BORCS5: variants seen among roughly 807,000 people sequenced by gnomAD.
BORCS5 encodes the protein BLOC-1-related complex subunit 5.
BORCS5 carries 17 observed loss-of-function variants against 22.1 expected under a neutral mutation model. The ratio of observed to expected loss-of-function variants is 0.77; its 90% CI spans 0.53 to 1.15. The LOEUF (loss-of-function observed/expected upper bound fraction) is 1.15. BORCS5 is among the 50% of genes most tolerant of loss of function. The probability of loss-of-function intolerance (pLI) is 0.00; values close to 1 mark genes in which losing one functional copy is unlikely to be tolerated. For synonymous variants in BORCS5, 117 were observed against 99.8 expected (o/e 1.17, Z -1.03); for missense variants, 247 against 253.2 (o/e 0.98, Z 0.17).
At position 12,470,673 on chromosome 12, in the gene BORCS5, T is replaced by TG. The variant is rs201938103; in HGVS notation, c.*4900dup. Among the ~76,000 whole-genome samples the TG allele has an allele frequency of 2.5e-5, 1 of 40,150 alleles. No homozygotes were observed. The highest frequency in any genetic ancestry group is 2.9e-4 in the East Asian group (1 of 3,402). 26.3% of individuals were successfully genotyped at this position (40,150 alleles called of 152,430 possible). A position where few individuals can be genotyped will look rare whatever the true frequency, so the allele number is the denominator to read the frequency against. ...GTCATAAATAACATTGAATTTCATG[T>TG]GGGTTTTTTTTTTTTGACACACCAG... is the stretch of plus-strand genomic sequence containing the variant. On this transcript the variant is annotated 3_prime_UTR_variant, in exon 4 of 4. Transcript: ENST00000314565.
rs563920485 is a variant in BORCS5 at position 12,469,229 on chromosome 12, G to A, written c.*3453G>A. The A allele has an allele frequency of 5.3e-4, 80 of 152,368 alleles. 1 individual carries two copies. The highest frequency in any genetic ancestry group is 1.9e-3 in the African/African-American group (77 of 41,582). 9.4% of individuals were successfully genotyped at this position (152,368 alleles called of 1,614,324 possible). On this transcript the variant is annotated 3_prime_UTR_variant, in exon 4 of 4. Coordinates refer to ENST00000314565, the MANE Select transcript of BORCS5 (RefSeq NM_058169.6). ...AAATTACCCGGGCATGGTGGCTGGT[G>A]CCTGTAATCCCCGCTACTTGGGAGG...
chr12:12,357,660 C>T, intron 1 of BORCS5, 151 bp downstream of exon 1: 1 of 763,706 alleles, frequency 1.3e-6, no homozygotes, highest in Non-Finnish European at 1.9e-6. Context: ...CACCATCTGT[C>T]CTGGCCTCGA....
At chr12:12,407,784 C>T (rs186781502) in intron 2 of BORCS5, among the ~76,000 whole-genome samples, 13 of 150,688 alleles carry the variant, frequency 8.6e-5, no homozygotes, top group African/African-American at 2.0e-4. Flanking sequence ...TGGCTCACTG[C>T]GACCTCCCTC....
chr12:12,379,512 T>C (rs1381607439), intron 2 of BORCS5, among the ~76,000 whole-genome samples: 2 of 151,606 alleles, frequency 1.3e-5, no homozygotes, highest in Non-Finnish European at 3.0e-5. Context: ...GATTTCAATT[T>C]TGTATTTGAA....
chr12:12,419,697 C>G (rs1163091733), intron 2 of BORCS5, among the ~76,000 whole-genome samples: 3 of 152,208 alleles, frequency 2.0e-5, no homozygotes, highest in African/African-American at 7.2e-5. Context: ...CGCATCCTCT[C>G]CAGCACATGT....
chr12:12,427,903 C>CCTT (rs1942329464), intron 2 of BORCS5, among the ~76,000 whole-genome samples: 1 of 152,186 alleles, frequency 6.6e-6, no homozygotes, highest in South Asian at 2.1e-4. Context: ...TACTCACCCA[C>CCTT]TAAGGTCCCC....
At position 12,466,434 on chromosome 12, in the gene BORCS5, T is replaced by G. The variant is rs956434467; in HGVS notation, c.*658T>G. The G allele has an allele frequency of 3.9e-5, 6 of 152,300 alleles. No homozygotes were observed. The highest frequency in any genetic ancestry group is 1.3e-4 in the Admixed American group (2 of 15,286). The allele number at this position is 152,300 out of a possible 1,614,324, so 9.4% of individuals were successfully genotyped here. On this transcript the variant is annotated 3_prime_UTR_variant, in exon 4 of 4. Coordinates refer to ENST00000314565, the MANE Select transcript of BORCS5 (RefSeq NM_058169.6). ...TCATCTCCACTGATAACCGGTTTCC[T>G]TGATGCAGACATAGTTTAGCTTTCT... is the stretch of plus-strand genomic sequence containing the variant.
At chr12:12,431,404 T>C (rs905262849) in intron 2 of BORCS5, among the ~76,000 whole-genome samples, 1 of 37,954 alleles carries the variant, frequency 2.6e-5, no homozygotes, top group African/African-American at 2.3e-4. Flanking sequence ...TTGCTAATTC[T>C]TTTTTTTTTT....
chr12:12,413,097 T>G (rs1477798696), intron 2 of BORCS5, among the ~76,000 whole-genome samples: 1 of 121,698 alleles, frequency 8.2e-6, no homozygotes, highest in Non-Finnish European at 1.7e-5. Flanking sequence ...GATTGGGGAT[T>G]GGTGATGACT....
intron 2 of BORCS5, among the ~76,000 whole-genome samples, chr12:12,427,641 C>G (rs4488294): frequency 0.6 from 90,660 of 152,004 alleles, 27,743 homozygotes; most frequent in African/African-American, 0.7. Context: ...AATTTGGGCT[C>G]CTATAACAGA....
chr12:12,395,435 A>ATTTTTTTTTT (rs59277387), intron 2 of BORCS5, among the ~76,000 whole-genome samples: 584 of 107,824 alleles, frequency 5.4e-3, no homozygotes, highest in Middle Eastern at 0.011. Context: ...CACCCAGCTA[A>ATTTTTTTTTT]TTTTTTTTTT....
rs1211519474 is a variant in BORCS5, at chr12:12,404,086, T to TA, written c.203-31539dup. Among the ~76,000 whole-genome samples, 6 of 152,294 alleles carry TA rather than the reference T, an allele frequency of 3.9e-5. No homozygotes were observed. In the South Asian group the frequency reaches 1.2e-3, roughly 32 times the overall value. On this transcript the variant is annotated intron_variant, in intron 2 of 3. Coordinates refer to ENST00000314565, the MANE Select transcript of BORCS5 (RefSeq NM_058169.6). The stretch of plus-strand genomic sequence containing the variant: ...CCCATATCTTCAAATATGGGTGACG[T>TA]AAATTTACTTCAGAAACAGAAATGA...
At chr12:12,463,663 C>T (rs903641351) in intron 3 of BORCS5, among the ~76,000 whole-genome samples, 3 of 152,126 alleles carry the variant, frequency 2.0e-5, no homozygotes. Flanking sequence ...TCAGTGTGCT[C>T]ATCTCAGCAT....
chr12:12,380,364 T>C (rs936807776), intron 2 of BORCS5, among the ~76,000 whole-genome samples: 2 of 151,456 alleles, frequency 1.3e-5, no homozygotes, highest in African/African-American at 2.4e-5. Flanking sequence ...TGCCTATATA[T>C]GGAAGATGGC....
chr12:12,450,851 T>C (rs1384811754), intron 3 of BORCS5, among the ~76,000 whole-genome samples: 1 of 152,222 alleles, frequency 6.6e-6, no homozygotes, highest in African/African-American at 2.4e-5. Flanking sequence ...GGTATAAAGA[T>C]AATGTATGTA....
Position 12,361,391 on chromosome 12 carries a change from G to T in BORCS5, c.202+42G>T, listed in dbSNP as rs368910873. 3.7e-6 allele frequency: 6 copies of T among 1,603,560 alleles called. No individual in the cohort carries two copies. In the East Asian group the frequency reaches 1.1e-4, roughly 30 times the overall value. The stretch of plus-strand genomic sequence containing the variant: ...TGTTTTATCTGAACTTGCTGGAGAC[G>T]TTTGTGTAGCCCTACTACTTTCCCT... On this transcript the variant is annotated intron_variant, in intron 2 of 3. Coordinates refer to ENST00000314565, the MANE Select transcript of BORCS5 (RefSeq NM_058169.6).
intron 2 of BORCS5, among the ~76,000 whole-genome samples, chr12:12,385,637 G>A (rs1382375298): frequency 6.6e-6 from 1 of 151,036 alleles, no homozygotes; most frequent in African/African-American, 2.4e-5. Flanking sequence ...AGCCTCTGAA[G>A]TAGCTGGGAC....
intron 2 of BORCS5, among the ~76,000 whole-genome samples, chr12:12,381,289 T>C (rs1309423804): frequency 1.3e-5 from 2 of 151,550 alleles, no homozygotes; most frequent in East Asian, 3.9e-4. Context: ...AGTGTATCAA[T>C]ATTTTTAATA....
chr12:12,393,344 G>A lies in BORCS5; in HGVS notation c.202+31995G>A, dbSNP rs75874753. Among the ~76,000 whole-genome samples, 6 of 152,094 alleles carry A rather than the reference G, an allele frequency of 3.9e-5. No homozygotes were observed. The East Asian group carries it at 7.7e-4, about 20-fold the overall frequency. On this transcript the variant is annotated intron_variant, in intron 2 of 3. Coordinates refer to ENST00000314565, the MANE Select transcript of BORCS5 (RefSeq NM_058169.6). ...TAAACATGACACCCAGAATACTCTC[G>A]CAGGTGTACAGTAACCATTGCCAGG... is the stretch of plus-strand genomic sequence containing the variant.
Sources: gnomAD v4.1 joint callset for allele counts (sites outside exome capture counted in the v4.1 genomes callset) on GRCh38, gnomAD v4.1.1 for gene constraint, MANE v1.5 for transcripts, NCBI Gene and HGNC (gene_info 2026-07-23, HGNC 2026-07-21) for gene names.